The following SLC17A1 variants were observed in gnomAD, a reference collection of about 807,000 sequenced individuals.
SLC17A1 encodes the protein sodium-dependent phosphate transport protein 1.
A neutral mutation model predicts 53.5 loss-of-function variants in SLC17A1; 51 were observed. That is an observed-to-expected ratio of 0.95 (90% CI 0.76 to 1.20). SLC17A1 has a LOEUF of 1.20. SLC17A1 is among the 50% of genes most tolerant of loss of function. The pLI, the probability that SLC17A1 is intolerant of heterozygous loss-of-function variation, is 0.00. For missense variants in SLC17A1, 538 were observed against 568.2 expected (o/e 0.95, Z 0.54); for synonymous variants, 179 against 198.8 (o/e 0.90, Z 0.84).
At chr6:25,741,367 T>TGA in the SLC17A1 span, among the ~76,000 whole-genome samples, 4 of 144,288 alleles carry the variant, frequency 2.8e-5, no homozygotes, top group African/African-American at 5.3e-5. Flanking sequence ...GTCAGGAGTT[T>TGA]GAGATCAGCC....
At chr6:25,769,237 G>T in the SLC17A1 span, 2 of 1,512,956 alleles carry the variant, frequency 1.3e-6, no homozygotes, top group South Asian at 2.3e-5. Context: ...CAAATAATTT[G>T]ACTTAAAGAG....
At chr6:25,763,460 AG>A in the SLC17A1 span, among the ~76,000 whole-genome samples, 1 of 152,172 alleles carries the variant, frequency 6.6e-6, no homozygotes, top group African/African-American at 2.4e-5. Context: ...GTCCAACATC[AG>A]TTTTATTCTC....
intron 1 of SLC17A1, among the ~76,000 whole-genome samples, chr6:25,831,009 G>C (rs1764925498): frequency 6.6e-6 from 1 of 152,196 alleles, no homozygotes; most frequent in Non-Finnish European, 1.5e-5. Flanking sequence ...AAGGAAGAAT[G>C]TCAGAAAAGG....
chr6:25,730,449 A>C, the SLC17A1 span, among the ~76,000 whole-genome samples: 23 of 152,216 alleles, frequency 1.5e-4, no homozygotes, highest in African/African-American at 5.3e-4. Context: ...AATTAAAAAA[A>C]AGTTGAACTC....
the SLC17A1 span, chr6:25,726,970 T>C: frequency 6.2e-7 from 1 of 1,614,180 alleles, no homozygotes; most frequent in South Asian, 1.1e-5. Flanking sequence ...AAAGCTGTCG[T>C]TAAGACCCAG....
chr6:25,797,383 A>T (rs565122288), intron 12 of SLC17A1, among the ~76,000 whole-genome samples: 15 of 152,332 alleles, frequency 9.8e-5, no homozygotes, highest in South Asian at 8.3e-4. Context: ...TAGCCTGGAC[A>T]TGAAAAATAG....
At chr6:25,740,654 T>G in the SLC17A1 span, among the ~76,000 whole-genome samples, 4 of 152,150 alleles carry the variant, frequency 2.6e-5, no homozygotes, top group East Asian at 1.9e-4. Context: ...AAGATAATTC[T>G]GAAAATAAAA....
At chr6:25,734,141 G>A in the SLC17A1 span, among the ~76,000 whole-genome samples, 7 of 152,090 alleles carry the variant, frequency 4.6e-5, no homozygotes, top group South Asian at 4.1e-4. Context: ...CACAATCCTT[G>A]TGTCCATAAA....
At position 25,813,136 on chromosome 6, in the gene SLC17A1, T is replaced by A; in HGVS notation, c.694A>T (p.Ile232Phe). 1 of 1,614,168 alleles carries A rather than the reference T, an allele frequency of 6.2e-7. No homozygotes were observed. The highest frequency in any genetic ancestry group is 8.5e-7 in the Non-Finnish European group (1 of 1,180,012). The change falls in exon 7 of 13, where the codon ATC becomes TTC. Residue 232 changes from isoleucine (I) to phenylalanine (F), a missense_variant. Transcript: ENST00000244527. The stretch of plus-strand genomic sequence containing the variant: ...GATGTGATGTATTCCTTTTCACTGA[T>A]GCTTATACATGGGTGGTCTTTGGGG... ...DDPKDHPCISISEKEYITSSL... is the reference protein window; with the variant it reads ...DDPKDHPCISFSEKEYITSSL...
At chr6:25,779,914 C>T (rs1432617439), downstream of SLC17A1, 1 of 152,230 alleles carries the variant, frequency 6.6e-6, no homozygotes, top group East Asian at 1.9e-4. Context: ...GCCCCTCCAA[C>T]AGTTCTTCAT....
At chr6:25,744,794 T>C in the SLC17A1 span, among the ~76,000 whole-genome samples, 1 of 152,182 alleles carries the variant, frequency 6.6e-6, no homozygotes, top group Non-Finnish European at 1.5e-5. Flanking sequence ...ATTGATTGTC[T>C]AGACTTAAGA....
At chr6:25,768,320 T>C in the SLC17A1 span, 5 of 966,528 alleles carry the variant, frequency 5.2e-6, no homozygotes, top group Middle Eastern at 5.2e-4. Context: ...ACATTACCTC[T>C]GGGATTTCTC....
At chr6:25,777,251 G>T in the SLC17A1 span, 57 of 346,300 alleles carry the variant, frequency 1.6e-4, no homozygotes, top group Middle Eastern at 7.9e-4. Flanking sequence ...CTTGCCTAAG[G>T]CGGAATCACT....
the SLC17A1 span, among the ~76,000 whole-genome samples, chr6:25,756,833 A>T: frequency 2.0e-5 from 3 of 152,336 alleles, no homozygotes; most frequent in Admixed American, 2.0e-4. Context: ...GAACTCTTAG[A>T]CATTGGAACA....
At chr6:25,753,236 C>A in the SLC17A1 span, among the ~76,000 whole-genome samples, 2 of 152,068 alleles carry the variant, frequency 1.3e-5, no homozygotes, top group African/African-American at 4.8e-5. Context: ...AGTGTAAAGG[C>A]CTTGAACTTC....
At chr6:25,748,524 G>A in the SLC17A1 span, among the ~76,000 whole-genome samples, 10 of 152,144 alleles carry the variant, frequency 6.6e-5, no homozygotes, top group East Asian at 1.9e-4. Flanking sequence ...GGTATATCTC[G>A]TCAGGTGGGA....
At chr6:25,816,478 C>T (rs1764361205) in intron 6 of SLC17A1, among the ~76,000 whole-genome samples, 1 of 152,246 alleles carries the variant, frequency 6.6e-6, no homozygotes, top group South Asian at 2.1e-4. Context: ...TCTACTGAGC[C>T]TACTGTCTTG....
In SLC17A1 at chr6:25,803,621, T is replaced by C. The variant is rs192122017; in HGVS notation, c.1179-2641A>G. ...TTTGCCAAACAGGTCTGGATTAAAA[T>C]CCTAGGTAAAATTTCAGACCAGTGG... On this transcript the variant is annotated intron_variant, in intron 10 of 12. Transcript: ENST00000244527. Among the ~76,000 whole-genome samples, 370 of 152,178 alleles carry C rather than the reference T, an allele frequency of 2.4e-3. 4 individuals carry two copies. Among genetic ancestry groups the C allele is most frequent in the Middle Eastern group, 0.01 (3 of 294 alleles).
At chr6:25,770,599 C>G in the SLC17A1 span, 1 of 821,404 alleles carries the variant, frequency 1.2e-6, no homozygotes, top group Non-Finnish European at 2.1e-6. Context: ...AAGCACTACC[C>G]CATACTGCCT....
Sources: gnomAD v4.1 joint callset for allele counts (sites outside exome capture counted in the v4.1 genomes callset) on GRCh38, gnomAD v4.1.1 for gene constraint, MANE v1.5 for transcripts, NCBI Gene and HGNC (gene_info 2026-07-23, HGNC 2026-07-21) for gene names.